Variants in PTH1R observed in about 807,000 individuals in gnomAD.
PTH1R encodes the protein parathyroid hormone 1 receptor, also known as parathyroid hormone/parathyroid hormone-related peptide receptor.
PTH1R carries 32 observed loss-of-function variants against 70.7 expected under a neutral mutation model. That is an observed-to-expected ratio of 0.45 (90% CI 0.34 to 0.61). PTH1R has a LOEUF of 0.61. Among genes scored for constraint, PTH1R ranks in the 20% least tolerant of loss-of-function variants. The probability of loss-of-function intolerance (pLI) is 0.01; values close to 1 mark genes in which losing one functional copy is unlikely to be tolerated. For missense variants in PTH1R, 626 were observed against 792.5 expected (o/e 0.79, Z 2.52); for synonymous variants, 329 against 324.8 (o/e 1.01, Z -0.14).
rs2030736024 is a variant in PTH1R at position 46,883,130 on chromosome 3, A to C, written c.-48-382A>C. On this transcript the variant is annotated intron_variant, in intron 2 of 15. Coordinates refer to ENST00000449590, the MANE Select transcript of PTH1R (RefSeq NM_000316.3). The surrounding 1 kb of genome is among the most constrained non-coding windows in gnomAD (Gnocchi z 6.4). ...GGCGTGGGGCGAAGCCACAGCTCCCATTTCCCCAAAAGAAAAAAAAAGAAA... is the reference window on the plus strand; with the variant it reads ...GGCGTGGGGCGAAGCCACAGCTCCCCTTTCCCCAAAAGAAAAAAAAAGAAA... 7.0e-6 allele frequency among the ~76,000 whole-genome samples: 1 copy of C among 143,506 alleles called. No homozygotes were observed. The allele number at this position is 143,506 out of a possible 152,430, so 94.1% of individuals were successfully genotyped here.
Position 46,896,447 on chromosome 3 carries a change from G to T in PTH1R, c.313+578G>T, listed in dbSNP as rs2031762551. 6.6e-6 allele frequency among the ~76,000 whole-genome samples: 1 copy of T among 152,182 alleles called. No individual in the cohort carries two copies. Among genetic ancestry groups the T allele is most frequent in the South Asian group, 2.1e-4 (1 of 4,832 alleles). On this transcript the variant is annotated intron_variant, in intron 5 of 15. Transcript: ENST00000449590. This position sits in a 1 kb window ranked among gnomAD's most constrained non-coding sequence, Gnocchi z 4.1. ...GGGGAGAAGAGAAGGGAGGGAAGCA[G>T]ATGAGGAAAGGCAGACAGAGCCCAG...
At chr3:46,887,329 T>C (rs781188569) in intron 3 of PTH1R, among the ~76,000 whole-genome samples, 2 of 151,990 alleles carry the variant, frequency 1.3e-5, no homozygotes, top group Non-Finnish European at 2.9e-5. Flanking sequence ...GTCAAACAAG[T>C]CTGTAATCCC....
intron 4 of PTH1R, among the ~76,000 whole-genome samples, chr3:46,894,707 C>T (rs1344712295): frequency 1.3e-5 from 2 of 152,110 alleles, no homozygotes; most frequent in East Asian, 3.9e-4. Flanking sequence ...AAAATGAGCA[C>T]AGTCATTCTC....
At position 46,898,360 on chromosome 3, in the gene PTH1R, T is replaced by TC; in HGVS notation, c.544-12dup. The stretch of plus-strand genomic sequence containing the variant: ...TGGGTCCCAGGGCTCTGACTGTGTC[T>TC]CCCCCCGCCCCGCACAGGAGGTGTT... On this transcript the variant is annotated splice_polypyrimidine_tract_variant and intron_variant, in intron 7 of 15. Transcript: ENST00000449590. 1 of 1,612,106 alleles carries TC rather than the reference T, an allele frequency of 6.2e-7. No individual in the cohort carries two copies.
Position 46,889,188 on chromosome 3 carries a change from G to C in PTH1R, c.76-4719G>C, listed in dbSNP as rs113514455. On this transcript the variant is annotated intron_variant, in intron 3 of 15. Coordinates refer to ENST00000449590, the MANE Select transcript of PTH1R (RefSeq NM_000316.3). ...TGTTAGCCAGGGTTTTCTCCTTCTG[G>C]CTGTGCTGGAGGCATCAACGGCCTG... Among the ~76,000 whole-genome samples the C allele has an allele frequency of 9.2e-3, 1,398 of 152,288 alleles. 28 individuals carry two copies. The highest frequency in any genetic ancestry group is 0.032 in the African/African-American group (1,316 of 41,544).
At chr3:46,897,808 C>G in intron 5 of PTH1R, 47 bp from the exon 6 acceptor site, 1 of 1,535,076 alleles carries the variant, frequency 6.5e-7, no homozygotes. Flanking sequence ...TAATCATGGC[C>G]TTGACTCTCC....
intron 9 of PTH1R, 61 bp downstream of exon 9, chr3:46,898,918 C>T (rs971267155): frequency 2.5e-5 from 31 of 1,215,948 alleles, no homozygotes; most frequent in Admixed American, 1.3e-4. Flanking sequence ...GGCCCCGCCC[C>T]GCCCCGCTCC....
rs1183049047 is a variant in PTH1R at position 46,892,443 on chromosome 3, C to T, written c.76-1464C>T. On this transcript the variant is annotated intron_variant, in intron 3 of 15. Transcript: ENST00000449590. This position sits in a 1 kb window ranked among gnomAD's most constrained non-coding sequence, Gnocchi z 5.2. Reference sequence around the variant, plus strand: ...ACGGACGGGCACACACAAGTGCACGCGCCGGCCACTCGAGAATGCGCTGCC... The same window carrying T: ...ACGGACGGGCACACACAAGTGCACGTGCCGGCCACTCGAGAATGCGCTGCC... Among the ~76,000 whole-genome samples, 2 of 152,216 alleles carry T rather than the reference C, an allele frequency of 1.3e-5. No homozygotes were observed. The highest frequency in any genetic ancestry group is 4.8e-5 in the African/African-American group (2 of 41,452).
chr3:46,895,575 C>G, intron 4 of PTH1R, 160 bp from the exon 5 acceptor site: 1 of 468,248 alleles, frequency 2.1e-6, no homozygotes, highest in Non-Finnish European at 2.8e-6. Flanking sequence ...TTGTTAAACA[C>G]CTCCTCACCC....
At chr3:46,881,596 G>A (rs1170363298) in intron 2 of PTH1R, among the ~76,000 whole-genome samples, 1 of 152,204 alleles carries the variant, frequency 6.6e-6, no homozygotes, top group Non-Finnish European at 1.5e-5. Context: ...CGGACCCGAA[G>A]AGACGCTGGG....
rs760895353 is a variant in PTH1R at position 46,901,798 on chromosome 3, G to A, written c.1149G>A (p.Arg383=). The change falls in exon 13 of 16, where the codon CGG becomes CGA. Residue 383 remains arginine, a synonymous_variant. Coordinates refer to ENST00000449590, the MANE Select transcript of PTH1R (RefSeq NM_000316.3). The surrounding 1 kb of genome is among the most constrained non-coding windows in gnomAD (Gnocchi z 7.3). ...LNFILFINIV[R]VLATKLRETN... ...TCATCCTCTTCATCAATATCGTCCG[G>A]GTGCTCGCCACCAAGCTGCGGGAGA... The A allele has an allele frequency of 1.1e-5, 18 of 1,614,078 alleles. No homozygotes were observed. In the South Asian group the frequency reaches 1.9e-4, roughly 17 times the overall value.
At chr3:46,895,079 A>G (rs75608553) in intron 4 of PTH1R, among the ~76,000 whole-genome samples, 1 of 106,334 alleles carries the variant, frequency 9.4e-6, no homozygotes, top group African/African-American at 2.8e-5. Context: ...AAAAAACAAA[A>G]AAAACAAACA....
intron 3 of PTH1R, among the ~76,000 whole-genome samples, chr3:46,889,062 G>C (rs1333653471): frequency 6.6e-6 from 1 of 152,220 alleles, no homozygotes; most frequent in East Asian, 1.9e-4. Context: ...AGCAGTCCCA[G>C]CCAGCTGGCA....
chr3:46,898,661 G>GGCGGCTGCACTGCAC lies in PTH1R; in HGVS notation c.642_656dup (p.Leu215_Arg219dup). 6.2e-7 allele frequency: 1 copy of GGCGGCTGCACTGCAC among 1,611,908 alleles called. No individual in the cohort carries two copies. Among genetic ancestry groups the GGCGGCTGCACTGCAC allele is most frequent in the Non-Finnish European group, 8.5e-7 (1 of 1,179,686 alleles). On this transcript the variant is annotated inframe_insertion and splice_region_variant. Transcript: ENST00000449590. The stretch of plus-strand genomic sequence containing the variant: ...CCACGGTCATGTCGCGCGCCCCGCA[G>GGCGGCTGCACTGCAC]GCGGCTGCACTGCACGCGCAACTAC...
In PTH1R at chr3:46,892,414, G is replaced by A. The variant is rs531512154; in HGVS notation, c.76-1493G>A. On this transcript the variant is annotated intron_variant, in intron 3 of 15. Transcript: ENST00000449590. This position sits in a 1 kb window ranked among gnomAD's most constrained non-coding sequence, Gnocchi z 5.2. ...GGCTGGACAGTCTCCATGTGAGAAC[G>A]CGCACGGACGGGCACACACAAGTGC... Among the ~76,000 whole-genome samples, 2 of 152,326 alleles carry A rather than the reference G, an allele frequency of 1.3e-5. No homozygotes were observed. The highest frequency in any genetic ancestry group is 1.3e-4 in the Admixed American group (2 of 15,306).
Position 46,882,763 on chromosome 3 carries a change from A to C in PTH1R, c.-48-749A>C, listed in dbSNP as rs1200996766. Among the ~76,000 whole-genome samples the C allele has an allele frequency of 6.6e-6, 1 of 152,062 alleles. No individual in the cohort carries two copies. Among genetic ancestry groups the C allele is most frequent in the Non-Finnish European group, 1.5e-5 (1 of 67,980 alleles). On this transcript the variant is annotated intron_variant, in intron 2 of 15. Coordinates refer to ENST00000449590, the MANE Select transcript of PTH1R (RefSeq NM_000316.3). The surrounding 1 kb of genome is among the most constrained non-coding windows in gnomAD (Gnocchi z 4.3). ...GGGGGAGCTAGAGACGGACTGACAG[A>C]CAGGCAGACCGACAGAGCGTCGGGG...
rs2032170922 is a variant in PTH1R, at chr3:46,902,261, T to C, written c.1212-265T>C. On this transcript the variant is annotated intron_variant, in intron 13 of 15. Transcript: ENST00000449590. The surrounding 1 kb of genome is among the most constrained non-coding windows in gnomAD (Gnocchi z 5.4). Reference sequence around the variant, plus strand: ...ACCGTGGAGGGGAGTGCTTGCCAGCTGAGGGCTCCACAGGTGCGAAGGGCC... The same window carrying C: ...ACCGTGGAGGGGAGTGCTTGCCAGCCGAGGGCTCCACAGGTGCGAAGGGCC... Among the ~76,000 whole-genome samples the C allele has an allele frequency of 6.6e-6, 1 of 152,128 alleles. No homozygotes were observed. The highest frequency in any genetic ancestry group is 6.5e-5 in the Admixed American group (1 of 15,288).
Position 46,901,305 on chromosome 3 carries a change from G to T in PTH1R, c.1050-109G>T. 7.1e-7 allele frequency: 1 copy of T among 1,412,896 alleles called. No individual in the cohort carries two copies. Among genetic ancestry groups the T allele is most frequent in the Non-Finnish European group, 9.8e-7 (1 of 1,025,216 alleles). 87.5% of individuals were successfully genotyped at this position (1,412,896 alleles called of 1,614,324 possible). On this transcript the variant is annotated intron_variant, in intron 11 of 15. Transcript: ENST00000449590. This position sits in a 1 kb window ranked among gnomAD's most constrained non-coding sequence, Gnocchi z 7.3. ...AGGCCTGGCCACACCCAGCACCCCT[G>T]CCCTGTGTCCTCAACAGCTAATGTC...
At position 46,883,186 on chromosome 3, in the gene PTH1R, C is replaced by CGCGGGAGGGGG. The variant is rs2030746440; in HGVS notation, c.-48-320_-48-310dup. Among the ~76,000 whole-genome samples the CGCGGGAGGGGG allele has an allele frequency of 2.0e-5, 3 of 149,106 alleles. No individual in the cohort carries two copies. Among genetic ancestry groups the CGCGGGAGGGGG allele is most frequent in the Non-Finnish European group, 4.5e-5 (3 of 66,994 alleles). On this transcript the variant is annotated intron_variant, in intron 2 of 15. Coordinates refer to ENST00000449590, the MANE Select transcript of PTH1R (RefSeq NM_000316.3). The surrounding 1 kb of genome is among the most constrained non-coding windows in gnomAD (Gnocchi z 6.4). ...AAAGAAAGAAAGAAAGAAAAGGCGG[C>CGCGGGAGGGGG]GCGGGAGGGGGGCGGGGGGCGGGCC...
Sources: gnomAD v4.1 joint callset for allele counts (sites outside exome capture counted in the v4.1 genomes callset) on GRCh38, gnomAD v4.1.1 for gene constraint, Gnocchi (gnomAD v3.1) non-coding constraint, MANE v1.5 for transcripts, NCBI Gene and HGNC (gene_info 2026-07-23, HGNC 2026-07-21) for gene names.